Variants in COL24A1 observed in about 807,000 individuals in gnomAD.
COL24A1 encodes the protein collagen type XXIV alpha 1 chain.
Under a neutral mutation model 253.9 loss-of-function variants are expected in COL24A1, and 224 were observed. That is an observed-to-expected ratio of 0.88 (90% CI 0.79 to 0.99). The LOEUF is 0.99. Ranked by LOEUF, COL24A1 falls within the 50% of genes least tolerant of loss-of-function variation. The pLI is 0.00. For missense variants in COL24A1, 2,131 were observed against 2,068.5 expected, an observed-to-expected ratio of 1.03 and a Z score of -0.59; for synonymous variants, 685 against 673.7, an observed-to-expected ratio of 1.02 and a Z score of -0.26.
intron 24 of COL24A1, among the ~76,000 whole-genome samples, chr1:85,951,614 A>T (rs964638210): frequency 5.3e-5 from 8 of 152,106 alleles, no homozygotes; most frequent in African/African-American, 1.7e-4. Flanking sequence ...CAGAATAAAA[A>T]TTTTTTACAA....
At chr1:85,872,517 C>A (rs1350185072) in intron 35 of COL24A1, among the ~76,000 whole-genome samples, 1 of 151,938 alleles carries the variant, frequency 6.6e-6, no homozygotes, top group Non-Finnish European at 1.5e-5. Context: ...AGAACAGAGC[C>A]CTCAGAAATA....
At chr1:85,746,282 T>C (rs1665207237) in intron 55 of COL24A1, among the ~76,000 whole-genome samples, 1 of 152,184 alleles carries the variant, frequency 6.6e-6, no homozygotes, top group African/African-American at 2.4e-5. Flanking sequence ...ATTCAACAGA[T>C]ATCTCATAGC....
intron 28 of COL24A1, among the ~76,000 whole-genome samples, chr1:85,905,340 G>A (rs1229451097): frequency 2.0e-5 from 3 of 152,076 alleles, no homozygotes. Flanking sequence ...AGAGTATTGG[G>A]ATTACAGCCC....
chr1:85,933,319 T>C (rs1197337896), intron 24 of COL24A1, among the ~76,000 whole-genome samples: 1 of 152,000 alleles, frequency 6.6e-6, no homozygotes, highest in Non-Finnish European at 1.5e-5. Context: ...TGAACAGAAA[T>C]AAATTACATT....
intron 45 of COL24A1, among the ~76,000 whole-genome samples, chr1:85,819,599 T>C (rs1276208890): frequency 6.6e-6 from 1 of 152,110 alleles, no homozygotes; most frequent in Admixed American, 6.5e-5. Context: ...ATATTAAAAG[T>C]CTATCTTTGA....
In COL24A1 at chr1:85,896,559, G is replaced by A. The variant is rs184802021; in HGVS notation, c.2779-150C>T. 284 of 625,026 alleles carry A rather than the reference G, an allele frequency of 4.5e-4. 1 individual carries two copies. Among genetic ancestry groups the A allele is most frequent in the African/African-American group, 4.0e-3 (214 of 53,636 alleles). 38.7% of individuals were successfully genotyped at this position (625,026 alleles called of 1,614,324 possible). A position where few individuals can be genotyped will look rare whatever the true frequency, so the allele number is the denominator to read the frequency against. On this transcript the variant is annotated intron_variant, in intron 28 of 59. Transcript: ENST00000370571. Reference sequence around the variant, plus strand: ...CGCCCAGGCTGGAGTGCAGTGGCGCGTCTCGGCTCACTGCAAGCTCCGCCT... The same window carrying A: ...CGCCCAGGCTGGAGTGCAGTGGCGCATCTCGGCTCACTGCAAGCTCCGCCT...
chr1:86,038,383 C>A (rs2101582653), intron 12 of COL24A1, among the ~76,000 whole-genome samples: 2 of 152,176 alleles, frequency 1.3e-5, no homozygotes, highest in Admixed American at 1.3e-4. Flanking sequence ...CTGCTCGAAC[C>A]CTTAGCACAA....
intron 52 of COL24A1, among the ~76,000 whole-genome samples, chr1:85,778,896 G>A (rs1668871573): frequency 6.6e-6 from 1 of 152,242 alleles, no homozygotes; most frequent in Non-Finnish European, 1.5e-5. Flanking sequence ...GAGCCACTGC[G>A]CTTGGCCTCT....
intron 24 of COL24A1, among the ~76,000 whole-genome samples, chr1:85,933,096 AAAAAAG>A (rs1470986618): frequency 4.2e-4 from 39 of 92,168 alleles, no homozygotes; most frequent in African/African-American, 5.9e-4. Context: ...ATAAAAAAAA[AAAAAAG>A]AAAGAAAGAA....
At chr1:85,777,793 T>C (rs746723509) in intron 52 of COL24A1, among the ~76,000 whole-genome samples, 1 of 152,206 alleles carries the variant, frequency 6.6e-6, no homozygotes, top group African/African-American at 2.4e-5. Flanking sequence ...TGTTTTCTCC[T>C]ATATTCCCTT....
At chr1:86,027,819 A>G (rs1234511323) in intron 14 of COL24A1, among the ~76,000 whole-genome samples, 1 of 152,292 alleles carries the variant, frequency 6.6e-6, no homozygotes, top group Non-Finnish European at 1.5e-5. Flanking sequence ...ATTCACCTGG[A>G]AAAGCCACAG....
At chr1:85,898,753 G>C (rs556446198) in intron 28 of COL24A1, among the ~76,000 whole-genome samples, 1 of 152,188 alleles carries the variant, frequency 6.6e-6, no homozygotes, top group African/African-American at 2.4e-5. Context: ...AAGCAAATAA[G>C]TACGTAAAAC....
In COL24A1 at chr1:86,044,255, A is replaced by C. The variant is rs147812712; in HGVS notation, c.1950+2570T>G. On this transcript the variant is annotated intron_variant, in intron 12 of 59. Transcript: ENST00000370571. ...TTTGAAGATGATTTTATTTATAATA[A>C]ACAGAAAGAATAAGGGGGCCATTTA... Among the ~76,000 whole-genome samples, 1,006 of 152,314 alleles carry C rather than the reference A, an allele frequency of 6.6e-3. 46 individuals carry two copies. Among genetic ancestry groups the C allele is most frequent in the Admixed American group, 0.06 (912 of 15,296 alleles).
chr1:86,098,985 C>T (rs1704227321), intron 5 of COL24A1, among the ~76,000 whole-genome samples: 1 of 152,022 alleles, frequency 6.6e-6, no homozygotes, highest in South Asian at 2.1e-4. Context: ...TATAACACCA[C>T]ACCAAATAAC....
At chr1:86,029,536 T>A (rs2101478546) in intron 14 of COL24A1, among the ~76,000 whole-genome samples, 1 of 152,274 alleles carries the variant, frequency 6.6e-6, no homozygotes, top group East Asian at 1.9e-4. Context: ...GATGGCAAGT[T>A]AAAGCTTATG....
chr1:86,011,652 T>C (rs1696492158), intron 19 of COL24A1, among the ~76,000 whole-genome samples: 1 of 152,244 alleles, frequency 6.6e-6, no homozygotes, highest in African/African-American at 2.4e-5. Flanking sequence ...TTAGTGTCTT[T>C]CTTTTATCAC....
intron 3 of COL24A1, 106 bp from the exon 4 acceptor site, chr1:86,115,484 G>A: frequency 9.8e-7 from 1 of 1,024,546 alleles, no homozygotes; most frequent in Non-Finnish European, 1.5e-6. Flanking sequence ...TCAGTCCCCA[G>A]TTCCCAGCTG....
At chr1:85,947,429 C>A (rs72712765) in intron 24 of COL24A1, among the ~76,000 whole-genome samples, 5,952 of 152,154 alleles carry the variant, frequency 0.039, 171 homozygotes, top group Non-Finnish European at 0.06. Context: ...AACTAAATTG[C>A]CTTATTCGGA....
intron 10 of COL24A1, among the ~76,000 whole-genome samples, chr1:86,056,540 C>A (rs954103613): frequency 2.0e-5 from 3 of 152,006 alleles, no homozygotes; most frequent in Non-Finnish European, 2.9e-5. Context: ...TGTTTAAATA[C>A]CTTATGCTTT....
Sources: gnomAD v4.1 joint callset for allele counts (sites outside exome capture counted in the v4.1 genomes callset) on GRCh38, gnomAD v4.1.1 for gene constraint, MANE v1.5 for transcripts, NCBI Gene and HGNC (gene_info 2026-07-23, HGNC 2026-07-21) for gene names.